CPM: variants seen among roughly 807,000 people sequenced by gnomAD.
The protein encoded by CPM is carboxypeptidase M.
A neutral mutation model predicts 46.4 loss-of-function variants in CPM; 35 were observed. That is an observed-to-expected ratio of 0.75 (90% CI 0.58 to 1.00). The LOEUF (loss-of-function observed/expected upper bound fraction) is 1.00. Ranked by LOEUF, CPM falls within the 50% of genes least tolerant of loss-of-function variation. The pLI is 0.00. For synonymous variants in CPM, 195 were observed against 195.3 expected, an observed-to-expected ratio of 1.00 and a Z score of 0.01; for missense variants, 422 against 530.4, an observed-to-expected ratio of 0.80 and a Z score of 2.01.
At chr12:68,843,917 GT>G in intron 5 of CPM, 1 of 212,504 alleles carries the variant, frequency 4.7e-6, no homozygotes. Context: ...AGTAGAATCT[GT>G]TTTTTTCCTT....
At chr12:68,844,726 T>C (rs971447293) in intron 5 of CPM, 25 of 214,052 alleles carry the variant, frequency 1.2e-4, no homozygotes, top group Admixed American at 3.5e-4. Context: ...TTTGGCATTA[T>C]ATAATTAAGA....
At chr12:68,960,350 T>A (rs1175361691) in intron 1 of CPM, among the ~76,000 whole-genome samples, 1 of 152,210 alleles carries the variant, frequency 6.6e-6, no homozygotes, top group Non-Finnish European at 1.5e-5. Flanking sequence ...ATTTAAAACT[T>A]GTAAATATTT....
intron 3 of CPM, among the ~76,000 whole-genome samples, chr12:68,872,661 CAT>C (rs1475522571): frequency 6.6e-6 from 1 of 152,006 alleles, no homozygotes; most frequent in Non-Finnish European, 1.5e-5. Context: ...CACGTATTTC[CAT>C]GAGAATGCAT....
chr12:68,921,384 C>T (rs1344000976), intron 2 of CPM, among the ~76,000 whole-genome samples: 3 of 152,116 alleles, frequency 2.0e-5, no homozygotes, highest in Non-Finnish European at 4.4e-5. Flanking sequence ...TCAAGTGATC[C>T]ACCCGCCTCA....
intron 7 of CPM, among the ~76,000 whole-genome samples, chr12:68,861,267 C>G (rs1476415587): frequency 6.6e-6 from 1 of 152,006 alleles, no homozygotes; most frequent in African/African-American, 2.4e-5. Flanking sequence ...TTTCTGGAGT[C>G]TTAATTCAAC....
chr12:68,894,921 T>C (rs1031816366), intron 2 of CPM, among the ~76,000 whole-genome samples: 2 of 148,022 alleles, frequency 1.4e-5, no homozygotes, highest in Admixed American at 7.0e-5. Context: ...CCCAGCTACT[T>C]GGGAGGCTGA....
chr12:68,929,393 C>T (rs1353858656), intron 2 of CPM, among the ~76,000 whole-genome samples: 2 of 152,148 alleles, frequency 1.3e-5, no homozygotes, highest in Non-Finnish European at 2.9e-5. Context: ...ATGGGAGGTG[C>T]TTCCTTAATT....
intron 2 of CPM, among the ~76,000 whole-genome samples, chr12:68,909,777 T>G (rs553932702): frequency 3.7e-4 from 49 of 133,478 alleles, no homozygotes; most frequent in Non-Finnish European, 5.9e-4. Flanking sequence ...TAAGTAGGAG[T>G]TGAACAACGA....
chr12:68,846,405 A>G (rs998017689), downstream of CPM: 3 of 152,112 alleles, frequency 2.0e-5, no homozygotes, highest in Admixed American at 1.3e-4. Flanking sequence ...CACCTTTTAA[A>G]TTTATTCCAT....
upstream of CPM, among the ~76,000 whole-genome samples, chr12:68,937,039 C>G (rs990580367): frequency 6.6e-6 from 1 of 152,158 alleles, no homozygotes; most frequent in Non-Finnish European, 1.5e-5. Flanking sequence ...AAAAGATTGA[C>G]AATACCTGGA....
At chr12:68,847,205 T>TATATATATATATATATATATATATATAG, downstream of CPM, 1 of 134,724 alleles carries the variant, frequency 7.4e-6, no homozygotes, top group African/African-American at 3.1e-5. Flanking sequence ...ATTATATATA[T>TATATATATATATATATATATATATATAG]ATATATACTT....
intron 1 of CPM, among the ~76,000 whole-genome samples, chr12:68,961,997 G>A (rs919019666): frequency 7.2e-5 from 11 of 152,148 alleles, no homozygotes; most frequent in East Asian, 5.8e-4. Flanking sequence ...TCAGCAGGTC[G>A]AGACCATCCT....
chr12:68,908,881 A>C (rs1258095863), intron 2 of CPM, among the ~76,000 whole-genome samples: 1 of 152,226 alleles, frequency 6.6e-6, no homozygotes, highest in Non-Finnish European at 1.5e-5. Flanking sequence ...CACATAACAA[A>C]GCATGAATAA....
chr12:68,865,098 C>T (rs1885378106), intron 7 of CPM, among the ~76,000 whole-genome samples: 2 of 152,190 alleles, frequency 1.3e-5, no homozygotes, highest in South Asian at 4.1e-4. Context: ...AAATGTTAGA[C>T]TAATACATGA....
At chr12:68,958,743 G>A (rs1280805650) in intron 1 of CPM, among the ~76,000 whole-genome samples, 2 of 152,044 alleles carry the variant, frequency 1.3e-5, no homozygotes, top group Non-Finnish European at 2.9e-5. Context: ...CACTCCAGGG[G>A]CTTCTAGTCA....
chr12:68,902,431 G>T (rs1887150800), intron 2 of CPM, among the ~76,000 whole-genome samples: 1 of 152,186 alleles, frequency 6.6e-6, no homozygotes, highest in Non-Finnish European at 1.5e-5. Context: ...GCTCTGAGCA[G>T]ACCCACTAAC....
chr12:68,856,435 C>T lies in CPM; in HGVS notation c.*2G>A. On this transcript the variant is annotated 3_prime_UTR_variant, in exon 9 of 9. Coordinates refer to ENST00000551568, the MANE Select transcript of CPM (RefSeq NM_198320.5). The stretch of plus-strand genomic sequence containing the variant: ...GATGTGGGTTGAGTTTCACATTTTA[C>T]TTTATTTGAAGAATATGTGCAAAAG... The T allele has an allele frequency of 1.2e-6, 2 of 1,612,480 alleles. No individual in the cohort carries two copies. The highest frequency in any genetic ancestry group is 1.7e-6 in the Non-Finnish European group (2 of 1,179,108).
upstream of CPM, among the ~76,000 whole-genome samples, chr12:68,933,544 C>G (rs886106679): frequency 6.6e-6 from 1 of 152,106 alleles, no homozygotes. Context: ...GCTTGGGAGA[C>G]GTTTAGGGCT....
At chr12:68,875,102 G>A (rs1885884544) in intron 3 of CPM, among the ~76,000 whole-genome samples, 1 of 152,114 alleles carries the variant, frequency 6.6e-6, no homozygotes, top group Admixed American at 6.6e-5. Flanking sequence ...TGTAATCCAA[G>A]CACTTTGGGA....
Sources: gnomAD v4.1 joint callset for allele counts (sites outside exome capture counted in the v4.1 genomes callset) on GRCh38, gnomAD v4.1.1 for gene constraint, MANE v1.5 for transcripts, NCBI Gene and HGNC (gene_info 2026-07-23, HGNC 2026-07-21) for gene names.